Variants in PKHD1L1 observed in about 807,000 individuals in gnomAD.
The protein encoded by PKHD1L1 is PKHD1 like 1.
Under a neutral mutation model 462.9 loss-of-function variants are expected in PKHD1L1, and 434 were observed. The observed-to-expected ratio is 0.94, with a 90% CI of 0.87 to 1.02. PKHD1L1 has a LOEUF of 1.02. Among genes scored for constraint, PKHD1L1 ranks in the 50% least tolerant of loss-of-function variants. The probability of loss-of-function intolerance (pLI) is 0.00; values close to 1 mark genes in which losing one functional copy is unlikely to be tolerated. For missense variants in PKHD1L1, 5,202 were observed against 5,096.1 expected, an observed-to-expected ratio of 1.02 and a Z score of -0.63; for synonymous variants, 1,781 against 1,750.0, an observed-to-expected ratio of 1.02 and a Z score of -0.44.
intron 77 of PKHD1L1, 74 bp from the exon 78 acceptor site, chr8:109,530,006 A>C: frequency 1.1e-6 from 1 of 915,272 alleles, no homozygotes; most frequent in Non-Finnish European, 1.5e-6. Context: ...AGTTAAAATT[A>C]ATGAAATATA....
chr8:109,523,198 A>T, intron 75 of PKHD1L1, 35 bp from the exon 76 acceptor site: 1 of 1,525,136 alleles, frequency 6.6e-7, no homozygotes, highest in Non-Finnish European at 8.9e-7. Flanking sequence ...AAACAGGACA[A>T]TTGTTATAAT....
chr8:109,456,335 A>C lies in PKHD1L1; in HGVS notation c.6948A>C (p.Gln2316His). ...CAGGGGAAAGAATTTTAATTTTACA[A>C]GAAGCAGTAACATGGAAACCAGGAG... ...AKAGERILIL[Q>H]EAVTWKPGDN... The change falls in exon 46 of 78, where the codon CAA becomes CAC. Residue 2316 changes from glutamine to histidine, a missense_variant. By Grantham distance (24) the Gln-to-His change is conservative. Transcript: ENST00000378402. 1.2e-6 allele frequency: 2 copies of C among 1,611,342 alleles called. No individual in the cohort carries two copies. Among genetic ancestry groups the C allele is most frequent in the Non-Finnish European group, 1.7e-6 (2 of 1,178,608 alleles).
intron 30 of PKHD1L1, among the ~76,000 whole-genome samples, chr8:109,437,812 A>T (rs938660703): frequency 1.3e-5 from 2 of 152,154 alleles, no homozygotes; most frequent in South Asian, 4.1e-4. Flanking sequence ...ATGTGAAAAA[A>T]TGTTTTTCCT....
intron 22 of PKHD1L1, among the ~76,000 whole-genome samples, chr8:109,419,467 C>T (rs942124998): frequency 5.9e-5 from 9 of 152,084 alleles, no homozygotes; most frequent in Admixed American, 5.9e-4. Flanking sequence ...TTAATGAAAA[C>T]TTTCTCACAA....
chr8:109,504,486 A>C lies in PKHD1L1; in HGVS notation c.10988A>C (p.Asp3663Ala), dbSNP rs990898540. 3 of 1,486,028 alleles carry C rather than the reference A, an allele frequency of 2.0e-6. No individual in the cohort carries two copies. Among genetic ancestry groups the C allele is most frequent in the East Asian group, 2.5e-5 (1 of 40,806 alleles). The allele number at this position is 1,486,028 out of a possible 1,614,324, so 92.1% of individuals were successfully genotyped here. ...EQSKIFIHRP[D>A]ISKVNPSDCV... The stretch of plus-strand genomic sequence containing the variant: ...TCAAAAATATTTATACATAGGCCTG[A>C]TATAAGGTAAAATACATAAAAATTG... Residue 3663 changes from aspartate (D) to alanine (A), a missense_variant, in exon 68 of 78, where the codon GAT becomes GCT. This residue lies in a region of PKHD1L1 where 698 missense variants were observed against 736.3 expected (regional missense o/e 0.95). Transcript: ENST00000378402.
intron 47 of PKHD1L1, among the ~76,000 whole-genome samples, chr8:109,460,213 C>T (rs1683456318): frequency 6.6e-6 from 1 of 151,998 alleles, no homozygotes; most frequent in African/African-American, 2.4e-5. Context: ...CAGCAAGAAA[C>T]TGCATTATTT....
chr8:109,406,405 G>T lies in PKHD1L1; in HGVS notation c.1740G>T (p.Pro580=). ...TGAATGACCTCTGGTCTATAAAACC[G>T]GACACAGTTCAAGTAATAAGAACAC... ...SALNDLWSIK[P]DTVQVIRTQN... The change falls in exon 17 of 78, where the codon CCG becomes CCT. Residue 580 remains proline (P), a synonymous_variant. Transcript: ENST00000378402. 6.3e-7 allele frequency: 1 copy of T among 1,584,058 alleles called. No individual in the cohort carries two copies.
In PKHD1L1 at chr8:109,483,105, G is replaced by A. The variant is rs1477340850; in HGVS notation, c.9576G>A (p.Gln3192=). 1 of 1,565,044 alleles carries A rather than the reference G, an allele frequency of 6.4e-7. No homozygotes were observed. The highest frequency in any genetic ancestry group is 8.7e-7 in the Non-Finnish European group (1 of 1,154,944). ...CTCTGATGGATGCTGTGGATTGGCA[G>A]GTAGACAAAATAATTATGTAATGGA... The part of the protein sequence containing the change: ...VLSLMDAVDW[Q]EGEEIVITTT... The change falls in exon 57 of 78, where the codon CAG becomes CAA. Residue 3192 remains glutamine, a splice_region_variant and synonymous_variant. Coordinates refer to ENST00000378402, the MANE Select transcript of PKHD1L1 (RefSeq NM_177531.6).
chr8:109,493,551 T>C (rs1818933673), intron 62 of PKHD1L1, 110 bp from the exon 63 acceptor site: 1 of 539,964 alleles, frequency 1.9e-6, no homozygotes, highest in Non-Finnish European at 3.0e-6. Flanking sequence ...CTCCTGAAAA[T>C]GTAGTCATAA....
intron 77 of PKHD1L1, among the ~76,000 whole-genome samples, chr8:109,528,218 G>T (rs1820911930): frequency 6.6e-6 from 1 of 152,032 alleles, no homozygotes; most frequent in Non-Finnish European, 1.5e-5. Context: ...GGACATGATA[G>T]GAGCAAGGAA....
chr8:109,493,843 T>A, intron 63 of PKHD1L1, 92 bp downstream of exon 63: 1 of 734,216 alleles, frequency 1.4e-6, no homozygotes, highest in Non-Finnish European at 2.1e-6. Context: ...ATTCAATATG[T>A]GATGTCTTTT....
At chr8:109,448,420 A>T in intron 39 of PKHD1L1, 29 bp downstream of exon 39, 1 of 1,563,948 alleles carries the variant, frequency 6.4e-7, no homozygotes, top group Non-Finnish European at 8.7e-7. Context: ...GAACCTGCAG[A>T]TATTTTGTTT....
Position 109,444,795 on chromosome 8 carries a change from T to A in PKHD1L1, c.4926T>A (p.Thr1642=), listed in dbSNP as rs1042025474. Residue 1642 remains threonine (T), a synonymous_variant, in exon 38 of 78, where the codon ACT becomes ACA. Transcript: ENST00000378402. The part of the protein sequence containing the change: ...TVTLTVYNLG[T]AINTLSNEFD... ...CTTTGACTGTCTACAACCTGGGCAC[T>A]GCTATCAATACGTTGTCCAATGAAT... 9 of 1,614,046 alleles carry A rather than the reference T, an allele frequency of 5.6e-6. No homozygotes were observed. In the East Asian group the frequency reaches 2.0e-4, roughly 36 times the overall value.
At position 109,510,850 on chromosome 8, in the gene PKHD1L1, T is replaced by C; in HGVS notation, c.11469T>C (p.Ala3823=). ...TGTCCCTGTTTCACAGCATTGTGGCTCTGAACAAATCTTATGAAGTTTACT... is the reference window on the plus strand; with the variant it reads ...TGTCCCTGTTTCACAGCATTGTGGCCCTGAACAAATCTTATGAAGTTTACT... ...RRLSLFHSIV[A]LNKSYEVYFT... Residue 3823 remains alanine (A), a synonymous_variant, in exon 71 of 78, where the codon GCT becomes GCC. Coordinates refer to ENST00000378402, the MANE Select transcript of PKHD1L1 (RefSeq NM_177531.6). The C allele has an allele frequency of 6.2e-7, 1 of 1,613,374 alleles. No individual in the cohort carries two copies. The highest frequency in any genetic ancestry group is 2.2e-5 in the East Asian group (1 of 44,876).
chr8:109,491,194 G>A, intron 61 of PKHD1L1, 93 bp downstream of exon 61: 1 of 1,277,900 alleles, frequency 7.8e-7, no homozygotes, highest in Non-Finnish European at 1.1e-6. Flanking sequence ...TGATCTTTCT[G>A]TGAGGATGGA....
chr8:109,392,341 G>C (rs780485490), intron 9 of PKHD1L1, among the ~76,000 whole-genome samples: 25 of 152,100 alleles, frequency 1.6e-4, no homozygotes, highest in Non-Finnish European at 2.9e-4. Flanking sequence ...AGTGATCAAG[G>C]TTGAACGTGA....
rs778673711 is a variant in PKHD1L1 at position 109,442,211 on chromosome 8, T to G, written c.4393+16T>G. ...TCTACATCAGGTATGTTTCTGCTTA[T>G]TGGGTTTTGCATCATGTCACTTTTT... On this transcript the variant is annotated intron_variant, in intron 35 of 77. Transcript: ENST00000378402. 1.3e-6 allele frequency: 2 copies of G among 1,594,224 alleles called. No individual in the cohort carries two copies. The highest frequency in any genetic ancestry group is 1.7e-6 in the Non-Finnish European group (2 of 1,170,900).
At chr8:109,387,945 T>G (rs1435802088) in intron 6 of PKHD1L1, among the ~76,000 whole-genome samples, 1 of 152,146 alleles carries the variant, frequency 6.6e-6, no homozygotes, top group Admixed American at 6.5e-5. Context: ...CCCAATCACC[T>G]GAGGAAATAT....
chr8:109,432,016 A>T (rs148708030), intron 27 of PKHD1L1, among the ~76,000 whole-genome samples: 16 of 152,322 alleles, frequency 1.1e-4, no homozygotes, highest in African/African-American at 3.8e-4. Flanking sequence ...GGTGAAAGTT[A>T]ACACTTTTTA....
Sources: gnomAD v4.1 joint callset for allele counts (sites outside exome capture counted in the v4.1 genomes callset) on GRCh38, gnomAD v4.1.1 for gene constraint, gnomAD v4.1.1 regional missense constraint, MANE v1.5 for transcripts, NCBI Gene and HGNC (gene_info 2026-07-23, HGNC 2026-07-21) for gene names.